Variants in PTPN2 observed in about 807,000 individuals in gnomAD.
PTPN2 encodes protein tyrosine phosphatase non-receptor type 2, also known as tyrosine-protein phosphatase non-receptor type 2.
Under a neutral mutation model 57.3 loss-of-function variants are expected in PTPN2, and 19 were observed. The observed-to-expected ratio is 0.33, with a 90% confidence interval of 0.23 to 0.49. PTPN2 has a LOEUF of 0.49. Ranked by LOEUF, PTPN2 falls within the 20% of genes least tolerant of loss-of-function variation. The pLI is 0.99. For missense variants in PTPN2, 358 were observed against 501.1 expected (o/e 0.71, Z 2.73); for synonymous variants, 153 against 164.9 (o/e 0.93, Z 0.55).
intron 1 of PTPN2, among the ~76,000 whole-genome samples, chr18:12,860,888 G>A (rs1314689294): frequency 6.6e-6 from 1 of 152,004 alleles, no homozygotes; most frequent in African/African-American, 2.4e-5. Context: ...AAGAATTCAA[G>A]TAAATACAGA....
At chr18:12,840,688 T>A in intron 2 of PTPN2, 3 of 1,596,642 alleles carry the variant, frequency 1.9e-6, no homozygotes, top group Non-Finnish European at 2.5e-6. Context: ...AAATGAAACC[T>A]AGATTTGTGC....
chr18:12,848,915 C>G (rs1447138818), intron 2 of PTPN2, among the ~76,000 whole-genome samples: 1 of 152,184 alleles, frequency 6.6e-6, no homozygotes, highest in East Asian at 1.9e-4. Context: ...GATTAAAAGA[C>G]AGTTAATTTA....
At chr18:12,860,593 A>G (rs2043770332) in intron 1 of PTPN2, among the ~76,000 whole-genome samples, 2 of 151,636 alleles carry the variant, frequency 1.3e-5, no homozygotes, top group Admixed American at 1.3e-4. Context: ...TGAGGCGGAA[A>G]AAGCAAAACA....
chr18:12,826,817 C>T (rs1052266404), intron 4 of PTPN2, among the ~76,000 whole-genome samples: 2 of 152,074 alleles, frequency 1.3e-5, no homozygotes, highest in Non-Finnish European at 2.9e-5. Flanking sequence ...GAACCACCAA[C>T]CTCAGCCTCC....
chr18:12,793,983 T>C lies in PTPN2; in HGVS notation c.*295A>G. On this transcript the variant is annotated 3_prime_UTR_variant, in exon 9 of 9. Coordinates refer to ENST00000309660, the MANE Select transcript of PTPN2 (RefSeq NM_002828.4). ...CCTGTGATAAAGGATATCTCAATGTTGGTCAGGTGAAATACTGTGTTTGAC... is the reference window on the plus strand; with the variant it reads ...CCTGTGATAAAGGATATCTCAATGTCGGTCAGGTGAAATACTGTGTTTGAC... The C allele has an allele frequency of 8.1e-7, 1 of 1,230,310 alleles. No homozygotes were observed. 76.2% of individuals were successfully genotyped at this position (1,230,310 alleles called of 1,614,324 possible). A position where few individuals can be genotyped will look rare whatever the true frequency, so the allele number is the denominator to read the frequency against.
At chr18:12,809,671 G>A (rs1453019308) in intron 7 of PTPN2, among the ~76,000 whole-genome samples, 1 of 152,172 alleles carries the variant, frequency 6.6e-6, no homozygotes, top group South Asian at 2.1e-4. Flanking sequence ...ATTGCCCGAG[G>A]AGTCTAATGA....
chr18:12,858,286 C>T (rs181998275), intron 2 of PTPN2, among the ~76,000 whole-genome samples: 3 of 152,266 alleles, frequency 2.0e-5, no homozygotes, highest in East Asian at 3.9e-4. Context: ...AAAGAGAAAA[C>T]CTATGTTTAG....
rs1280100251 is a variant in PTPN2, at chr18:12,884,216, G to T, written c.-75C>A. 3 of 1,200,126 alleles carry T rather than the reference G, an allele frequency of 2.5e-6. No homozygotes were observed. Among genetic ancestry groups the T allele is most frequent in the African/African-American group, 3.3e-5 (2 of 61,386 alleles). The allele number at this position is 1,200,126 out of a possible 1,614,324, so 74.3% of individuals were successfully genotyped here. On this transcript the variant is annotated 5_prime_UTR_variant, in exon 1 of 9. Coordinates refer to ENST00000309660, the MANE Select transcript of PTPN2 (RefSeq NM_002828.4). ...TCAGGCCCCGCACGATCCGGGGAGA[G>T]CGCTGGCGCTGCGGCGCATGCGCGC... is the stretch of plus-strand genomic sequence containing the variant.
At chr18:12,881,130 C>T (rs1314652668) in intron 1 of PTPN2, among the ~76,000 whole-genome samples, 1 of 152,188 alleles carries the variant, frequency 6.6e-6, no homozygotes, top group Non-Finnish European at 1.5e-5. Context: ...TCAGAACGAT[C>T]TTGCTAACAA....
intron 4 of PTPN2, among the ~76,000 whole-genome samples, chr18:12,826,860 T>C (rs2042480743): frequency 6.6e-6 from 1 of 151,650 alleles, no homozygotes; most frequent in South Asian, 2.1e-4. Context: ...TGAGCCACCA[T>C]GTCCGGTCTT....
At chr18:12,839,075 C>G (rs1305593640) in intron 2 of PTPN2, among the ~76,000 whole-genome samples, 1 of 151,828 alleles carries the variant, frequency 6.6e-6, no homozygotes. Flanking sequence ...TAAAACACAT[C>G]ACCTTAAAAT....
intron 1 of PTPN2, among the ~76,000 whole-genome samples, chr18:12,874,086 G>A (rs978488575): frequency 3.3e-5 from 5 of 151,772 alleles, no homozygotes; most frequent in South Asian, 2.1e-4. Flanking sequence ...GAGCCCCTCC[G>A]CCCGGCAGCC....
At position 12,793,764 on chromosome 18, in the gene PTPN2, TA is replaced by T. The variant is rs1375853562; in HGVS notation, c.*513del. The T allele has an allele frequency of 8.5e-5, 77 of 905,808 alleles. No individual in the cohort carries two copies. The highest frequency in any genetic ancestry group is 9.6e-5 in the Non-Finnish European group (73 of 756,702). 56.1% of individuals were successfully genotyped at this position (905,808 alleles called of 1,614,324 possible). On this transcript the variant is annotated 3_prime_UTR_variant, in exon 9 of 9. Transcript: ENST00000309660. Reference sequence around the variant, plus strand: ...AAAAGTACAGTTAACTACAAAAGATTAAATAGATACTTATAAAATATATTTA... The same window carrying T: ...AAAAGTACAGTTAACTACAAAAGATTAATAGATACTTATAAAATATATTTA...
chr18:12,843,587 C>T (rs1182935493), intron 2 of PTPN2, among the ~76,000 whole-genome samples: 1 of 152,048 alleles, frequency 6.6e-6, no homozygotes, highest in Non-Finnish European at 1.5e-5. Flanking sequence ...TAAGAGGGGC[C>T]TCTTAGGGCA....
chr18:12,884,213 AG>A lies in PTPN2; in HGVS notation c.-73del, dbSNP rs1237421734. On this transcript the variant is annotated 5_prime_UTR_variant, in exon 1 of 9. It removes the in-frame stop codon of an upstream open reading frame in the 5' UTR. Transcript: ENST00000309660. ...GGCTCAGGCCCCGCACGATCCGGGGAGAGCGCTGGCGCTGCGGCGCATGCGC... is the reference window on the plus strand; with the variant it reads ...GGCTCAGGCCCCGCACGATCCGGGGAAGCGCTGGCGCTGCGGCGCATGCGC... The A allele has an allele frequency of 2.4e-6, 3 of 1,270,074 alleles. No homozygotes were observed. Among genetic ancestry groups the A allele is most frequent in the African/African-American group, 1.6e-5 (1 of 62,832 alleles). The allele number at this position is 1,270,074 out of a possible 1,614,324, so 78.7% of individuals were successfully genotyped here. A position where few individuals can be genotyped will look rare whatever the true frequency, so the allele number is the denominator to read the frequency against.
At chr18:12,825,734 C>T in intron 5 of PTPN2, 76 bp downstream of exon 5, 2 of 1,413,512 alleles carry the variant, frequency 1.4e-6, no homozygotes. Flanking sequence ...GCTTATCAAA[C>T]TTCAAATCTA....
chr18:12,847,641 G>C (rs950113755), intron 2 of PTPN2, among the ~76,000 whole-genome samples: 1 of 149,686 alleles, frequency 6.7e-6, no homozygotes, highest in African/African-American at 2.5e-5. Flanking sequence ...TTTTGAGAGG[G>C]AGTTTTTTTT....
At chr18:12,840,843 C>G in intron 2 of PTPN2, 1 of 1,595,292 alleles carries the variant, frequency 6.3e-7, no homozygotes, top group Non-Finnish European at 8.5e-7. Flanking sequence ...GTGTGACTTC[C>G]AACTCCTCTC....
intron 1 of PTPN2, among the ~76,000 whole-genome samples, chr18:12,877,342 G>A (rs1290207243): frequency 6.6e-6 from 1 of 152,148 alleles, no homozygotes. Flanking sequence ...AATGAGAGAA[G>A]GGGGAGCATT....
Sources: gnomAD v4.1 joint callset for allele counts (sites outside exome capture counted in the v4.1 genomes callset) on GRCh38, gnomAD v4.1.1 for gene constraint, MANE v1.5 for transcripts, NCBI Gene and HGNC (gene_info 2026-07-23, HGNC 2026-07-21) for gene names.